The following DGCR2 variants were observed in gnomAD, a reference collection of about 807,000 sequenced individuals.
The protein encoded by DGCR2 is integral membrane protein DGCR2/IDD.
DGCR2 carries 24 observed loss-of-function variants against 51.6 expected under a neutral mutation model. That is an observed-to-expected ratio of 0.47 (90% CI 0.34 to 0.65). The LOEUF (loss-of-function observed/expected upper bound fraction) is 0.65. DGCR2 is among the 30% of genes least tolerant of loss of function. The pLI is 0.01. For missense variants in DGCR2, 765 were observed against 772.1 expected (o/e 0.99, Z 0.11); for synonymous variants, 340 against 315.4 (o/e 1.08, Z -0.82).
chr22:19,069,386 C>T (rs1029365459), intron 2 of DGCR2, among the ~76,000 whole-genome samples: 4 of 152,174 alleles, frequency 2.6e-5, no homozygotes, highest in Non-Finnish European at 4.4e-5. Flanking sequence ...AATCCACATG[C>T]TTTTTTGCTC....
chr22:19,099,928 C>G (rs1165527734), intron 1 of DGCR2, among the ~76,000 whole-genome samples: 2 of 151,688 alleles, frequency 1.3e-5, no homozygotes, highest in African/African-American at 2.4e-5. Context: ...CGAGATTGTA[C>G]CACTGCACTC....
At chr22:19,063,135 A>C in intron 5 of DGCR2, 67 bp downstream of exon 5, 1 of 1,451,508 alleles carries the variant, frequency 6.9e-7, no homozygotes, top group South Asian at 1.2e-5. Flanking sequence ...AAGAGGGAGG[A>C]GGGGAGGCCC....
chr22:19,063,936 C>T (rs754155760), intron 4 of DGCR2, among the ~76,000 whole-genome samples: 2 of 152,204 alleles, frequency 1.3e-5, no homozygotes, highest in Non-Finnish European at 2.9e-5. Context: ...GACATAAGTC[C>T]CTGCAAATAT....
At chr22:19,040,912 CAGG>C (rs2082423242) in intron 9 of DGCR2, 143 bp downstream of exon 9, 2 of 738,816 alleles carry the variant, frequency 2.7e-6, no homozygotes, top group Admixed American at 3.0e-5. Flanking sequence ...CGGGCAGCCC[CAGG>C]AGAAGCCTTA....
intron 8 of DGCR2, 41 bp downstream of exon 8, chr22:19,041,765 TG>T (rs767183632): frequency 6.3e-7 from 1 of 1,591,596 alleles, no homozygotes; most frequent in Non-Finnish European, 8.6e-7. Context: ...TGACCTGGGG[TG>T]GGGATGGGGA....
intron 6 of DGCR2, among the ~76,000 whole-genome samples, chr22:19,056,746 T>G (rs762252241): frequency 6.7e-4 from 102 of 152,068 alleles, no homozygotes; most frequent in Middle Eastern, 3.2e-3. Flanking sequence ...CAGGGATGAT[T>G]GTCTCTTCCG....
At chr22:19,056,565 AAAC>A in intron 6 of DGCR2, 1 of 356,530 alleles carries the variant, frequency 2.8e-6, no homozygotes, top group Non-Finnish European at 5.1e-6. Flanking sequence ...AAAAAAAAAA[AAAC>A]ACACACACCA....
intron 6 of DGCR2, among the ~76,000 whole-genome samples, chr22:19,054,404 C>T (rs917092831): frequency 2.0e-5 from 3 of 152,314 alleles, no homozygotes; most frequent in Admixed American, 1.3e-4. Context: ...TCTGCCTTTT[C>T]CATAAGCTTG....
At chr22:19,075,016 A>C (rs2082859275) in intron 2 of DGCR2, among the ~76,000 whole-genome samples, 1 of 151,898 alleles carries the variant, frequency 6.6e-6, no homozygotes, top group Non-Finnish European at 1.5e-5. Context: ...CATTTCTGGG[A>C]AATTTTCTTA....
At chr22:19,048,293 A>T in intron 7 of DGCR2, 147 bp downstream of exon 7, 1 of 823,282 alleles carries the variant, frequency 1.2e-6, no homozygotes. Flanking sequence ...AAAGTCTCTG[A>T]GACATCTCTG....
At chr22:19,093,749 C>G (rs79703461) in intron 1 of DGCR2, among the ~76,000 whole-genome samples, 2,493 of 152,252 alleles carry the variant, frequency 0.016, 89 homozygotes, top group East Asian at 0.062. Flanking sequence ...GTAATCCCAA[C>G]ACTTTAGGAG....
At chr22:19,076,455 G>A (rs1412099320) in intron 2 of DGCR2, among the ~76,000 whole-genome samples, 1 of 152,022 alleles carries the variant, frequency 6.6e-6, no homozygotes, top group African/African-American at 2.4e-5. Flanking sequence ...GTGAGCCACC[G>A]CGCCCGGCAG....
At chr22:19,046,672 T>C in intron 7 of DGCR2, 1 of 356,232 alleles carries the variant, frequency 2.8e-6, no homozygotes, top group Non-Finnish European at 5.9e-6. Flanking sequence ...CTTGAGCACT[T>C]TCCAGAAGAA....
At chr22:19,060,711 G>C in intron 5 of DGCR2, 1 of 308,356 alleles carries the variant, frequency 3.2e-6, no homozygotes, top group South Asian at 2.7e-5. Context: ...CATGTCTTCT[G>C]GCAGCAGCAG....
chr22:19,062,412 A>G (rs949839804), intron 5 of DGCR2, among the ~76,000 whole-genome samples: 3 of 152,022 alleles, frequency 2.0e-5, no homozygotes, highest in African/African-American at 7.3e-5. Flanking sequence ...ACCCTTTTCA[A>G]CCCTGTCCCC....
chr22:19,111,269 G>A (rs949824353), intron 1 of DGCR2, among the ~76,000 whole-genome samples: 3 of 152,180 alleles, frequency 2.0e-5, no homozygotes, highest in Admixed American at 1.3e-4. Context: ...CAGCATCAGT[G>A]TCCACACAAG....
At chr22:19,067,897 T>C (rs1395766570) in intron 3 of DGCR2, among the ~76,000 whole-genome samples, 2 of 152,182 alleles carry the variant, frequency 1.3e-5, no homozygotes, top group African/African-American at 4.8e-5. Context: ...GCCGGTTGAC[T>C]TCCTAGGGCC....
chr22:19,046,184 C>T (rs1317681749), intron 7 of DGCR2: 3 of 152,072 alleles, frequency 2.0e-5, no homozygotes, highest in African/African-American at 4.8e-5. Context: ...TTTATTTAAG[C>T]CTTTTTGTCA....
chr22:19,117,056 C>T (rs932713735), intron 1 of DGCR2, among the ~76,000 whole-genome samples: 4 of 152,144 alleles, frequency 2.6e-5, no homozygotes, highest in African/African-American at 7.2e-5. Flanking sequence ...GATCACCTGC[C>T]CTTACTGCTA....
Sources: gnomAD v4.1 joint callset for allele counts (sites outside exome capture counted in the v4.1 genomes callset) on GRCh38, gnomAD v4.1.1 for gene constraint, MANE v1.5 for transcripts, NCBI Gene and HGNC (gene_info 2026-07-23, HGNC 2026-07-21) for gene names.